The following POMT1 variants were observed in gnomAD, a reference collection of about 807,000 sequenced individuals.
POMT1 encodes protein O-mannosyl-transferase 1.
POMT1 carries 85 observed loss-of-function variants against 101.6 expected under a neutral mutation model. The observed-to-expected ratio is 0.84, with a 90% CI of 0.70 to 1.00. POMT1 has a LOEUF of 1.00. POMT1 is among the 50% of genes least tolerant of loss of function. The pLI is 0.00. For synonymous variants in POMT1, 371 were observed against 383.0 expected (o/e 0.97, Z 0.37); for missense variants, 857 against 930.4 (o/e 0.92, Z 1.03).
chr9:131,504,791 G>GTGTT (rs1554770802), intron 2 of POMT1, among the ~76,000 whole-genome samples: 2 of 151,054 alleles, frequency 1.3e-5, no homozygotes, highest in Non-Finnish European at 1.5e-5. Flanking sequence ...GTGTGTGTGT[G>GTGTT]TTTTTGAGAC....
Position 131,522,315 on chromosome 9 carries a change from T to TCA in POMT1, c.2003+93_2003+94dup. The stretch of plus-strand genomic sequence containing the variant: ...GCAAACACATGGGGTGCAGCGAACC[T>TCA]CACCCATTTCACGTTACACTGACAT... On this transcript the variant is annotated intron_variant, in intron 19 of 19. Transcript: ENST00000402686. This position sits in a 1 kb window ranked among gnomAD's most constrained non-coding sequence, Gnocchi z 5.5. 2 of 1,578,064 alleles carry TCA rather than the reference T, an allele frequency of 1.3e-6. No individual in the cohort carries two copies. The highest frequency in any genetic ancestry group is 8.6e-7 in the Non-Finnish European group (1 of 1,167,282).
intron 5 of POMT1, among the ~76,000 whole-genome samples, chr9:131,507,812 A>G (rs542099360): frequency 2.2e-4 from 34 of 152,312 alleles, no homozygotes; most frequent in African/African-American, 7.9e-4. Context: ...TGACCAAATG[A>G]TAACTTCCCC....
At position 131,522,037 on chromosome 9, in the gene POMT1, T is replaced by C. The variant is rs941028189; in HGVS notation, c.1826-10T>C. On this transcript the variant is annotated splice_polypyrimidine_tract_variant and intron_variant, in intron 18 of 19. Coordinates refer to ENST00000402686, the MANE Select transcript of POMT1 (RefSeq NM_001077365.2). The surrounding 1 kb of genome is among the most constrained non-coding windows in gnomAD (Gnocchi z 5.5). ...AGCAGAGTCGGTGTAGCTCGAGCCC[T>C]TTCCTATAGATGCCTGGCTGCGCTG... is the stretch of plus-strand genomic sequence containing the variant. 10 of 1,613,640 alleles carry C rather than the reference T, an allele frequency of 6.2e-6. No homozygotes were observed. The highest frequency in any genetic ancestry group is 7.6e-6 in the Non-Finnish European group (9 of 1,179,958).
Position 131,523,770 on chromosome 9 carries a change from T to A in POMT1, c.*664T>A, listed in dbSNP as rs570125090. The A allele has an allele frequency of 1.3e-5, 2 of 153,022 alleles. No individual in the cohort carries two copies. The highest frequency in any genetic ancestry group is 2.4e-5 in the African/African-American group (1 of 41,596). The allele number at this position is 153,022 out of a possible 1,614,324, so 9.5% of individuals were successfully genotyped here. A position where few individuals can be genotyped will look rare whatever the true frequency, so the allele number is the denominator to read the frequency against. On this transcript the variant is annotated 3_prime_UTR_variant, in exon 20 of 20. Transcript: ENST00000402686. Reference sequence around the variant, plus strand: ...TACAGCTCCATGCCTTTGTCTTTTTTAAATGTAATTAAAAAAGGAACCAAC... The same window carrying A: ...TACAGCTCCATGCCTTTGTCTTTTTAAAATGTAATTAAAAAAGGAACCAAC...
intron 9 of POMT1, chr9:131,510,797 C>T (rs532869677): frequency 3.4e-4 from 115 of 342,816 alleles, no homozygotes; most frequent in African/African-American, 2.3e-3. Context: ...TGAGCCACCG[C>T]GCCTGGCAGC....
At chr9:131,517,382 G>A (rs1212641430) in intron 13 of POMT1, among the ~76,000 whole-genome samples, 1 of 152,088 alleles carries the variant, frequency 6.6e-6, no homozygotes, top group East Asian at 1.9e-4. Flanking sequence ...CACCATGCCT[G>A]GCCCCTGTTA....
In POMT1 at chr9:131,523,543, A is replaced by G. The variant is rs1950370178; in HGVS notation, c.*437A>G. Reference sequence around the variant, plus strand: ...GCAAGTCCCGGCCCTGCCCTCAGCGAGCCCGGCAGGCGTCCTGGGACAGCT... The same window carrying G: ...GCAAGTCCCGGCCCTGCCCTCAGCGGGCCCGGCAGGCGTCCTGGGACAGCT... On this transcript the variant is annotated 3_prime_UTR_variant, in exon 20 of 20. Coordinates refer to ENST00000402686, the MANE Select transcript of POMT1 (RefSeq NM_001077365.2). 2 of 270,836 alleles carry G rather than the reference A, an allele frequency of 7.4e-6. No homozygotes were observed. Among genetic ancestry groups the G allele is most frequent in the Admixed American group, 4.8e-5 (1 of 20,694 alleles). The allele number at this position is 270,836 out of a possible 1,614,324, so 16.8% of individuals were successfully genotyped here.
At position 131,522,470 on chromosome 9, in the gene POMT1, TGAA is replaced by T; in HGVS notation, c.2003+249_2003+251del. 1.4e-6 allele frequency: 1 copy of T among 740,724 alleles called. No homozygotes were observed. The highest frequency in any genetic ancestry group is 2.1e-6 in the Non-Finnish European group (1 of 470,762). 45.9% of individuals were successfully genotyped at this position (740,724 alleles called of 1,614,324 possible). A position where few individuals can be genotyped will look rare whatever the true frequency, so the allele number is the denominator to read the frequency against. On this transcript the variant is annotated intron_variant, in intron 19 of 19. Transcript: ENST00000402686. The surrounding 1 kb of genome is among the most constrained non-coding windows in gnomAD (Gnocchi z 5.5). The stretch of plus-strand genomic sequence containing the variant: ...AGTGGGTGGGGAGACGGGGAGGGGA[TGAA>T]GAGATGTGGGTGGCCTGGAGGATTC...
intron 10 of POMT1, 109 bp downstream of exon 10, chr9:131,511,576 A>G: frequency 6.7e-7 from 1 of 1,489,454 alleles, no homozygotes; most frequent in Admixed American, 1.8e-5. Flanking sequence ...GCAGGACAGA[A>G]AGAAGTTGAG....
chr9:131,521,077 A>G, intron 17 of POMT1: 1 of 473,640 alleles, frequency 2.1e-6, no homozygotes, highest in South Asian at 2.0e-5. Context: ...TCCTGACTTC[A>G]GGTGATCTGC....
At chr9:131,520,276 C>T in intron 17 of POMT1, 83 bp downstream of exon 17, 2 of 1,191,554 alleles carry the variant, frequency 1.7e-6, no homozygotes, top group Non-Finnish European at 2.5e-6. Context: ...AGCCGCTGCA[C>T]CCTAGAAAGT....
In POMT1 at chr9:131,519,259, A is replaced by G. The variant is rs2010635; in HGVS notation, c.1487-130A>G. The G allele has an allele frequency of 0.94, 914,449 of 972,556 alleles. 431,033 individuals are homozygous for G. Among genetic ancestry groups the G allele is most frequent in the South Asian group, 0.97 (70,084 of 72,144 alleles). 60.2% of individuals were successfully genotyped at this position (972,556 alleles called of 1,614,324 possible). On this transcript the variant is annotated intron_variant, in intron 15 of 19. Coordinates refer to ENST00000402686, the MANE Select transcript of POMT1 (RefSeq NM_001077365.2). This position sits in a 1 kb window ranked among gnomAD's most constrained non-coding sequence, Gnocchi z 4.3. ...GGTGTGGTGGGGAAAGCTAAGTGGA[A>G]TGATGCGGTTCGATAAGGGGTCTTT...
chr9:131,517,583 G>A (rs368222489), intron 13 of POMT1, among the ~76,000 whole-genome samples: 223 of 152,232 alleles, frequency 1.5e-3, no homozygotes, highest in African/African-American at 4.8e-3. Context: ...CAGATTGGCT[G>A]TTCCATTTTT....
At chr9:131,518,237 A>G (rs1449381780) in intron 13 of POMT1, 1 of 683,638 alleles carries the variant, frequency 1.5e-6, no homozygotes, top group South Asian at 1.5e-5. Context: ...AGGAGGGTGC[A>G]CTTCCCCAGC....
chr9:131,513,831 CCT>C, intron 12 of POMT1, among the ~76,000 whole-genome samples: 1 of 152,366 alleles, frequency 6.6e-6, no homozygotes, highest in Admixed American at 6.5e-5. Context: ...CTCCTTCCTC[CCT>C]GACTGCTCTC....
intron 11 of POMT1, among the ~76,000 whole-genome samples, chr9:131,512,757 G>A (rs1054038210): frequency 1.3e-5 from 2 of 152,026 alleles, no homozygotes; most frequent in Non-Finnish European, 2.9e-5. Context: ...GATTACAGGC[G>A]CCCACCACCA....
chr9:131,518,727 G>C, intron 14 of POMT1, 110 bp from the exon 15 acceptor site: 1 of 1,565,882 alleles, frequency 6.4e-7, no homozygotes, highest in South Asian at 1.1e-5. Context: ...TCTCCCACAA[G>C]GGGCACCTGC....
Position 131,508,971 on chromosome 9 carries a change from A to T in POMT1, c.488A>T (p.Asn163Ile), listed in dbSNP as rs182295674. 2 of 1,614,046 alleles carry T rather than the reference A, an allele frequency of 1.2e-6. No homozygotes were observed. Among genetic ancestry groups the T allele is most frequent in the Non-Finnish European group, 8.5e-7 (1 of 1,179,914 alleles). ...TTGGAATCAGTGTTAATATTTTTCAATCTATTGGCCGTGTTGTCCTACCTG... is the reference window on the plus strand; with the variant it reads ...TTGGAATCAGTGTTAATATTTTTCATTCTATTGGCCGTGTTGTCCTACCTG... ...MLLESVLIFF[N>I]LLAVLSYLKF... The change falls in exon 6 of 20, where the codon AAT (asparagine) becomes ATT (isoleucine). Residue 163 changes from asparagine (N) to isoleucine (I), a missense_variant. Asn to Ile is a moderately radical substitution (Grantham distance 149). Transcript: ENST00000402686.
intron 17 of POMT1, among the ~76,000 whole-genome samples, chr9:131,520,653 C>T (rs924966199): frequency 3.9e-5 from 6 of 152,216 alleles, no homozygotes; most frequent in African/African-American, 9.6e-5. Flanking sequence ...CCCTCAGAGG[C>T]GGGTAGGTCG....
Sources: allele counts gnomAD v4.1 joint callset (sites outside exome capture counted in the v4.1 genomes callset), GRCh38; gene constraint gnomAD v4.1.1; non-coding constraint Gnocchi (gnomAD v3.1); transcripts MANE v1.5; gene names NCBI Gene and HGNC (gene_info 2026-07-23, HGNC 2026-07-21).